The following FAM174A variants were observed in gnomAD, a reference collection of about 807,000 sequenced individuals.
FAM174A encodes family with sequence similarity 174 member A.
FAM174A carries 14 observed loss-of-function variants against 14.3 expected under a neutral mutation model. The observed-to-expected ratio is 0.98, with a 90% CI of 0.65 to 1.53. The LOEUF is 1.53. Ranked by LOEUF, FAM174A falls within the 40% of genes most tolerant of loss-of-function variation. FAM174A has a pLI of 0.00. For missense variants in FAM174A, 241 were observed against 249.6 expected (o/e 0.97, Z 0.23); for synonymous variants, 108 against 111.4 (o/e 0.97, Z 0.19).
chr5:100,566,338 T>C (rs1561320359), intron 2 of FAM174A, among the ~76,000 whole-genome samples: 1 of 151,338 alleles, frequency 6.6e-6, no homozygotes. Flanking sequence ...ATCTCACTTA[T>C]ATATGGAATC....
At chr5:100,562,579 G>C (rs1746551418) in intron 2 of FAM174A, among the ~76,000 whole-genome samples, 1 of 150,710 alleles carries the variant, frequency 6.6e-6, no homozygotes, top group Non-Finnish European at 1.5e-5. Context: ...TATTAACTTG[G>C]GTGTGTGTGT....
At chr5:100,581,286 C>A in intron 2 of FAM174A, 1 of 738,602 alleles carries the variant, frequency 1.4e-6, no homozygotes, top group Non-Finnish European at 1.7e-6. Context: ...TATCACCTCT[C>A]CAGAGAGTAG....
intron 2 of FAM174A, among the ~76,000 whole-genome samples, chr5:100,582,569 T>C (rs1747043470): frequency 6.6e-6 from 1 of 152,080 alleles, no homozygotes; most frequent in Non-Finnish European, 1.5e-5. Flanking sequence ...AATTAAGTAG[T>C]AGTAAAGTTG....
At chr5:100,564,343 A>G (rs1228329428) in intron 2 of FAM174A, among the ~76,000 whole-genome samples, 3 of 151,792 alleles carry the variant, frequency 2.0e-5, no homozygotes, top group African/African-American at 7.2e-5. Flanking sequence ...AGACAAAAAA[A>G]AAATGGCATA....
intron 1 of FAM174A, among the ~76,000 whole-genome samples, chr5:100,550,018 G>A (rs1183757219): frequency 6.6e-6 from 1 of 152,088 alleles, no homozygotes; most frequent in Non-Finnish European, 1.5e-5. Context: ...AGTACAAAAA[G>A]CCAGTTTGGC....
In FAM174A at chr5:100,571,045, A is replaced by T. The variant is rs567671571; in HGVS notation, c.569+8857A>T. Among the ~76,000 whole-genome samples, 2 of 151,928 alleles carry T rather than the reference A, an allele frequency of 1.3e-5. 1 individual carries two copies. Among genetic ancestry groups the T allele is most frequent in the South Asian group, 4.1e-4 (2 of 4,824 alleles). On this transcript the variant is annotated intron_variant, in intron 2 of 2. Coordinates refer to ENST00000312637, the MANE Select transcript of FAM174A (RefSeq NM_198507.3). Reference sequence around the variant, plus strand: ...GTCCTGAGACAAATCCTTCTTTGTCATGGTACCCTTCTATATATCGTTGGG... The same window carrying T: ...GTCCTGAGACAAATCCTTCTTTGTCTTGGTACCCTTCTATATATCGTTGGG...
chr5:100,576,738 A>T (rs73774443), intron 2 of FAM174A, among the ~76,000 whole-genome samples: 2 of 152,022 alleles, frequency 1.3e-5, no homozygotes, highest in African/African-American at 2.4e-5. Flanking sequence ...GGTTTCTGGG[A>T]AAAAAAATAG....
At chr5:100,538,336 T>C (rs1745979462) in intron 1 of FAM174A, among the ~76,000 whole-genome samples, 1 of 152,148 alleles carries the variant, frequency 6.6e-6, no homozygotes, top group South Asian at 2.1e-4. Flanking sequence ...TTTGAGGTGA[T>C]GCAGAAAATA....
intron 2 of FAM174A, among the ~76,000 whole-genome samples, chr5:100,574,152 T>C (rs1746853045): frequency 6.6e-6 from 1 of 151,920 alleles, no homozygotes; most frequent in Admixed American, 6.6e-5. Flanking sequence ...CAAAGAAGCA[T>C]ACAGTTCCGC....
chr5:100,556,195 A>G, intron 1 of FAM174A, among the ~76,000 whole-genome samples: 1 of 152,198 alleles, frequency 6.6e-6, no homozygotes, highest in Admixed American at 6.5e-5. Context: ...TTTATTAAAT[A>G]GGGATCCTTT....
At chr5:100,557,395 C>A (rs1746414028) in intron 1 of FAM174A, among the ~76,000 whole-genome samples, 1 of 151,970 alleles carries the variant, frequency 6.6e-6, no homozygotes. Context: ...GTCTAAAATT[C>A]TCTTTTTTTG....
chr5:100,555,897 G>T (rs191317006), intron 1 of FAM174A, among the ~76,000 whole-genome samples: 1 of 152,068 alleles, frequency 6.6e-6, no homozygotes, highest in African/African-American at 2.4e-5. Context: ...TAGGTTGCCT[G>T]TTCACTCTGA....
intron 1 of FAM174A, among the ~76,000 whole-genome samples, chr5:100,552,541 G>T (rs1168337752): frequency 6.6e-6 from 1 of 151,860 alleles, no homozygotes; most frequent in South Asian, 2.1e-4. Context: ...CTTAAATCAG[G>T]TGCATATATC....
At chr5:100,579,242 G>T (rs528477604) in intron 2 of FAM174A, among the ~76,000 whole-genome samples, 1 of 152,106 alleles carries the variant, frequency 6.6e-6, no homozygotes, top group South Asian at 2.1e-4. Flanking sequence ...GTCAATTCAG[G>T]ATGTAAATAT....
chr5:100,583,657 T>A (rs1458225072), intron 2 of FAM174A, among the ~76,000 whole-genome samples: 2 of 152,244 alleles, frequency 1.3e-5, no homozygotes, highest in South Asian at 2.1e-4. Context: ...TTTTGCAATA[T>A]CCACAGTTTC....
At chr5:100,567,676 A>G (rs1746693029) in intron 2 of FAM174A, among the ~76,000 whole-genome samples, 1 of 151,806 alleles carries the variant, frequency 6.6e-6, no homozygotes, top group Non-Finnish European at 1.5e-5. Context: ...TAATATGTAT[A>G]CAGAAGAATT....
intron 1 of FAM174A, among the ~76,000 whole-genome samples, chr5:100,552,207 G>A (rs552942729): frequency 6.6e-6 from 1 of 152,080 alleles, no homozygotes; most frequent in African/African-American, 2.4e-5. Flanking sequence ...CTACAATTGT[G>A]GTTCACTAAT....
chr5:100,583,286 T>A (rs1747056183), intron 2 of FAM174A, among the ~76,000 whole-genome samples: 1 of 152,170 alleles, frequency 6.6e-6, no homozygotes, highest in Admixed American at 6.5e-5. Flanking sequence ...ACACTTGGTG[T>A]AACTTTACAG....
intron 1 of FAM174A, among the ~76,000 whole-genome samples, chr5:100,558,429 A>G (rs934400067): frequency 2.0e-5 from 3 of 152,130 alleles, no homozygotes; most frequent in Admixed American, 6.6e-5. Context: ...TTTGGGGTGG[A>G]GAGTTCTGTA....
Sources: gnomAD v4.1 joint callset for allele counts (sites outside exome capture counted in the v4.1 genomes callset) on GRCh38, gnomAD v4.1.1 for gene constraint, MANE v1.5 for transcripts, NCBI Gene and HGNC (gene_info 2026-07-23, HGNC 2026-07-21) for gene names.